METTL24: variants seen among roughly 807,000 people sequenced by gnomAD.
METTL24 encodes methyltransferase like 24.
In METTL24, 29 loss-of-function variants were observed where a neutral mutation model predicts 32.7. The ratio of observed to expected loss-of-function variants is 0.89; its 90% CI spans 0.66 to 1.21. The LOEUF (loss-of-function observed/expected upper bound fraction) is 1.21. METTL24 is among the 50% of genes most tolerant of loss of function. The probability of loss-of-function intolerance (pLI) is 0.00; values close to 1 mark genes in which losing one functional copy is unlikely to be tolerated. For missense variants in METTL24, 439 were observed against 468.1 expected (o/e 0.94, Z 0.57); for synonymous variants, 163 against 179.5 (o/e 0.91, Z 0.73).
chr6:110,323,682 C>T (rs568404275), intron 1 of METTL24, among the ~76,000 whole-genome samples: 1 of 152,186 alleles, frequency 6.6e-6, no homozygotes, highest in South Asian at 2.1e-4. Flanking sequence ...TAGTTGTCAA[C>T]ACCAAGAGAC....
At chr6:110,311,619 G>A (rs561278668) in intron 3 of METTL24, among the ~76,000 whole-genome samples, 7 of 151,770 alleles carry the variant, frequency 4.6e-5, no homozygotes, top group African/African-American at 1.4e-4. Context: ...AACAAGAGGC[G>A]TGCACCACCA....
rs768930474 is a variant in METTL24 at position 110,246,130 on chromosome 6, A to G, written c.917T>C (p.Val306Ala). 2 of 1,614,200 alleles carry G rather than the reference A, an allele frequency of 1.2e-6. No homozygotes were observed. The highest frequency in any genetic ancestry group is 1.7e-6 in the Non-Finnish European group (2 of 1,180,022). The change falls in exon 5 of 5, where the codon GTC becomes GCC. Residue 306 changes from valine to alanine, a missense_variant. Val to Ala is a moderately conservative substitution (Grantham distance 64). Transcript: ENST00000338882. ...CACAACGCTGCTGTCACTGCCACTG[A>G]CCTCAAACCCAGGCCAGTGGAGATG... The part of the protein sequence containing the change: ...EIHLHWPGFE[V>A]SGSDSSVVRF...
At chr6:110,247,732 C>G (rs747345853) in intron 4 of METTL24, among the ~76,000 whole-genome samples, 14 of 152,164 alleles carry the variant, frequency 9.2e-5, no homozygotes, top group Non-Finnish European at 1.6e-4. Flanking sequence ...GTGAAAATAC[C>G]TTTGCTTGTT....
intron 4 of METTL24, among the ~76,000 whole-genome samples, chr6:110,248,577 A>G (rs1778214716): frequency 6.6e-6 from 1 of 152,104 alleles, no homozygotes; most frequent in Non-Finnish European, 1.5e-5. Flanking sequence ...TCTTCATGAG[A>G]GGAACTGAGC....
chr6:110,345,649 CATT>C (rs1772457886), intron 1 of METTL24, among the ~76,000 whole-genome samples: 1 of 152,122 alleles, frequency 6.6e-6, no homozygotes, highest in African/African-American at 2.4e-5. Flanking sequence ...AGCTGGAGGC[CATT>C]ACTGTTAGTA....
intron 4 of METTL24, among the ~76,000 whole-genome samples, chr6:110,280,020 G>A (rs1372106843): frequency 6.6e-6 from 1 of 152,148 alleles, no homozygotes; most frequent in Admixed American, 6.5e-5. Context: ...GAGACAGGAA[G>A]TAGGTGCTGC....
chr6:110,279,911 C>G (rs1771108586), intron 4 of METTL24, among the ~76,000 whole-genome samples: 1 of 152,152 alleles, frequency 6.6e-6, no homozygotes, highest in Non-Finnish European at 1.5e-5. Flanking sequence ...AAGCATGATG[C>G]TGGCATCTGC....
intron 1 of METTL24, among the ~76,000 whole-genome samples, chr6:110,346,839 T>A (rs1443247228): frequency 6.6e-6 from 1 of 152,216 alleles, no homozygotes; most frequent in Non-Finnish European, 1.5e-5. Flanking sequence ...ATTTGTATTT[T>A]TTCCAGTATG....
At chr6:110,290,161 C>A (rs997462255) in intron 4 of METTL24, among the ~76,000 whole-genome samples, 2 of 108,286 alleles carry the variant, frequency 1.8e-5, no homozygotes, top group Non-Finnish European at 3.3e-5. Context: ...AGAGATCCAC[C>A]CCCCCTCAGC....
intron 4 of METTL24, among the ~76,000 whole-genome samples, chr6:110,260,422 A>C (rs1055238815): frequency 6.6e-6 from 1 of 152,230 alleles, no homozygotes; most frequent in African/African-American, 2.4e-5. Context: ...AGAAAAAAGA[A>C]TAAACAGAAA....
At chr6:110,347,398 C>T (rs1772498581) in intron 1 of METTL24, among the ~76,000 whole-genome samples, 1 of 152,202 alleles carries the variant, frequency 6.6e-6, no homozygotes, top group Non-Finnish European at 1.5e-5. Context: ...CTACCCCACT[C>T]TTAAATTATA....
chr6:110,279,459 A>G (rs79016279), intron 4 of METTL24, among the ~76,000 whole-genome samples: 2 of 152,320 alleles, frequency 1.3e-5, no homozygotes, highest in African/African-American at 2.4e-5. Flanking sequence ...AACTCTCTTG[A>G]GGGTAATTTA....
intron 4 of METTL24, among the ~76,000 whole-genome samples, chr6:110,291,415 TA>T (rs1771316918): frequency 6.6e-6 from 1 of 152,192 alleles, no homozygotes; most frequent in Non-Finnish European, 1.5e-5. Context: ...CCCATACAGA[TA>T]ACCAGTTGTT....
In METTL24 at chr6:110,315,501, A is replaced by AT. The variant is rs1349070138; in HGVS notation, c.418-21dup. On this transcript the variant is annotated intron_variant, in intron 2 of 4. Transcript: ENST00000338882. ...TGCAATCTGTAAAGATTGGAAATCA[A>AT]TGTGAATAATTTGAAATGTTGGATG... 1 of 1,612,494 alleles carries AT rather than the reference A, an allele frequency of 6.2e-7. No individual in the cohort carries two copies. The highest frequency in any genetic ancestry group is 1.7e-5 in the Admixed American group (1 of 59,862).
chr6:110,333,345 C>T (rs945112299), intron 1 of METTL24, among the ~76,000 whole-genome samples: 4 of 152,140 alleles, frequency 2.6e-5, no homozygotes, highest in African/African-American at 9.7e-5. Context: ...CAGTTTGCTC[C>T]AGTTAATGCT....
chr6:110,248,284 C>T (rs1778206926), intron 4 of METTL24, among the ~76,000 whole-genome samples: 1 of 152,184 alleles, frequency 6.6e-6, no homozygotes, highest in Admixed American at 6.5e-5. Context: ...AACAGCCTAA[C>T]ACACATTCCT....
rs566046068 is a variant in METTL24, at chr6:110,352,978, G to A, written c.318+4977C>T. On this transcript the variant is annotated intron_variant, in intron 1 of 4. Coordinates refer to ENST00000338882, the MANE Select transcript of METTL24 (RefSeq NM_001123364.3). ...GACTGGGACAAATTACACACAAAAA[G>A]CTGAAATCTCCACCACCAGTGGTTG... Among the ~76,000 whole-genome samples the A allele has an allele frequency of 1.5e-4, 23 of 152,260 alleles. 1 individual carries two copies. Among genetic ancestry groups the A allele is most frequent in the African/African-American group, 5.5e-4 (23 of 41,530 alleles).
intron 4 of METTL24, among the ~76,000 whole-genome samples, chr6:110,276,380 G>C (rs1771047767): frequency 6.6e-6 from 1 of 152,228 alleles, no homozygotes; most frequent in Admixed American, 6.5e-5. Flanking sequence ...GAGCCTAGGA[G>C]TTTGAGGTTG....
At chr6:110,319,452 GATAGAT>G (rs1214763681) in intron 2 of METTL24, among the ~76,000 whole-genome samples, 6 of 148,764 alleles carry the variant, frequency 4.0e-5, no homozygotes, top group African/African-American at 1.6e-4. Flanking sequence ...TAGATAGATA[GATAGAT>G]AGATGACAGA....
Sources: gnomAD v4.1 joint callset for allele counts (sites outside exome capture counted in the v4.1 genomes callset) on GRCh38, gnomAD v4.1.1 for gene constraint, MANE v1.5 for transcripts, NCBI Gene and HGNC (gene_info 2026-07-23, HGNC 2026-07-21) for gene names.